Variants in DLGAP1 observed in about 807,000 individuals in gnomAD.
DLGAP1 encodes disks large-associated protein 1.
Under a neutral mutation model 90.8 loss-of-function variants are expected in DLGAP1, and 11 were observed. That is an observed-to-expected ratio of 0.12 (90% CI 0.08 to 0.20). The LOEUF is 0.20. Ranked by LOEUF, DLGAP1 falls within the 10% of genes least tolerant of loss-of-function variation. The pLI is 1.00. For synonymous variants in DLGAP1, 558 were observed against 540.7 expected, an observed-to-expected ratio of 1.03 and a Z score of -0.44; for missense variants, 1,050 against 1,333.8, an observed-to-expected ratio of 0.79 and a Z score of 3.31.
intron 1 of DLGAP1, among the ~76,000 whole-genome samples, chr18:4,360,907 C>T (rs774597245): frequency 2.6e-5 from 4 of 152,066 alleles, no homozygotes; most frequent in South Asian, 2.1e-4. Context: ...TTGAACCCAA[C>T]AGGCAGCCAT....
chr18:3,705,303 C>CTT (rs34878394), intron 7 of DLGAP1, among the ~76,000 whole-genome samples: 99 of 142,132 alleles, frequency 7.0e-4, no homozygotes, highest in Middle Eastern at 3.6e-3. Context: ...TTTCAGGCTA[C>CTT]TTTTTTTTTT....
chr18:4,026,711 C>T (rs1280758207), intron 2 of DLGAP1, among the ~76,000 whole-genome samples: 2 of 152,180 alleles, frequency 1.3e-5, no homozygotes, highest in Non-Finnish European at 2.9e-5. Context: ...TCTTTGGACA[C>T]ACAGGGACTT....
At chr18:3,683,372 T>A (rs567870573) in intron 7 of DLGAP1, among the ~76,000 whole-genome samples, 1 of 152,174 alleles carries the variant, frequency 6.6e-6, no homozygotes, top group African/African-American at 2.4e-5. Flanking sequence ...CAACAATATA[T>A]AAGCAAGAAC....
intron 3 of DLGAP1, among the ~76,000 whole-genome samples, chr18:3,894,994 A>G (rs2071578755): frequency 6.6e-6 from 1 of 152,178 alleles, no homozygotes; most frequent in Non-Finnish European, 1.5e-5. Flanking sequence ...TATACTTGCT[A>G]TGGTTTTTAC....
intron 7 of DLGAP1, among the ~76,000 whole-genome samples, chr18:3,687,454 C>T (rs2060741034): frequency 6.6e-6 from 1 of 152,146 alleles, no homozygotes; most frequent in Non-Finnish European, 1.5e-5. Context: ...TGTTGACTTG[C>T]TTTGATATAG....
At chr18:4,043,638 G>A (rs1036801011) in intron 2 of DLGAP1, among the ~76,000 whole-genome samples, 3 of 152,096 alleles carry the variant, frequency 2.0e-5, no homozygotes. Context: ...AACATCCCCA[G>A]TTTGATTTAA....
At chr18:3,828,600 A>G (rs2148535557) in intron 4 of DLGAP1, among the ~76,000 whole-genome samples, 1 of 139,746 alleles carries the variant, frequency 7.2e-6, no homozygotes, top group East Asian at 2.2e-4. Context: ...TGATCAGGCC[A>G]CTGCACTCCA....
At chr18:3,718,642 A>G (rs1223252995) in intron 7 of DLGAP1, among the ~76,000 whole-genome samples, 1 of 151,848 alleles carries the variant, frequency 6.6e-6, no homozygotes, top group African/African-American at 2.4e-5. Context: ...ATGACTGAAA[A>G]TGGCCAGGCA....
intron 1 of DLGAP1, among the ~76,000 whole-genome samples, chr18:4,329,606 G>A (rs545067901): frequency 6.6e-6 from 1 of 151,878 alleles, no homozygotes; most frequent in African/African-American, 2.4e-5. Flanking sequence ...ATCTCAACAC[G>A]GTTGAGTCAT....
intron 7 of DLGAP1, among the ~76,000 whole-genome samples, chr18:3,689,781 T>A (rs540833940): frequency 2.8e-3 from 426 of 152,088 alleles, no homozygotes; most frequent in African/African-American, 9.9e-3. Flanking sequence ...AAAAAAAAAA[T>A]TTGTGGTTAA....
intron 1 of DLGAP1, among the ~76,000 whole-genome samples, chr18:4,195,570 A>T (rs2077482066): frequency 6.6e-6 from 1 of 151,012 alleles, no homozygotes; most frequent in Non-Finnish European, 1.5e-5. Flanking sequence ...TTTTTTTTTG[A>T]GATGGAGTTT....
intron 1 of DLGAP1, among the ~76,000 whole-genome samples, chr18:4,223,324 G>T (rs115231164): frequency 9.1e-4 from 139 of 152,248 alleles, no homozygotes; most frequent in African/African-American, 3.2e-3. Context: ...GACTGGCCTA[G>T]TTCACTGTTT....
At chr18:4,295,838 T>A (rs2079968026) in intron 1 of DLGAP1, among the ~76,000 whole-genome samples, 1 of 152,234 alleles carries the variant, frequency 6.6e-6, no homozygotes, top group Non-Finnish European at 1.5e-5. Flanking sequence ...ATTATCATCT[T>A]ATTGTTTCCT....
chr18:3,939,351 A>C (rs2072713989), intron 3 of DLGAP1, among the ~76,000 whole-genome samples: 1 of 136,852 alleles, frequency 7.3e-6, no homozygotes, highest in Non-Finnish European at 1.5e-5. Context: ...TGGAAGGTGG[A>C]GGTTGTAGTG....
At chr18:3,614,548 G>A (rs377302408) in intron 7 of DLGAP1, among the ~76,000 whole-genome samples, 5 of 152,020 alleles carry the variant, frequency 3.3e-5, no homozygotes, top group East Asian at 1.9e-4. Context: ...TCATTATAGC[G>A]TAGGGTGAAG....
At chr18:3,873,359 C>A (rs375479021) in intron 4 of DLGAP1, among the ~76,000 whole-genome samples, 1 of 152,044 alleles carries the variant, frequency 6.6e-6, no homozygotes, top group Non-Finnish European at 1.5e-5. Flanking sequence ...TTGTGCAAAC[C>A]CAATAGGAAA....
At chr18:3,882,464 T>C (rs1238960) in intron 3 of DLGAP1, among the ~76,000 whole-genome samples, 64,303 of 150,008 alleles carry the variant, frequency 0.43, 14,046 homozygotes, top group South Asian at 0.57. Context: ...GAGGTTGAGG[T>C]TGCAATGAGT....
chr18:3,654,254 AG>A (rs2059408869), intron 7 of DLGAP1, among the ~76,000 whole-genome samples: 1 of 152,186 alleles, frequency 6.6e-6, no homozygotes, highest in Non-Finnish European at 1.5e-5. Flanking sequence ...AGGTGGCCAG[AG>A]GCTGCCGGAC....
At chr18:4,249,447 C>CAAAA (rs11301773) in intron 1 of DLGAP1, among the ~76,000 whole-genome samples, 1 of 101,624 alleles carries the variant, frequency 9.8e-6, no homozygotes, top group African/African-American at 3.6e-5. Flanking sequence ...AATGTTCTGG[C>CAAAA]AAAAAAAAAA....
Sources: gnomAD v4.1 joint callset for allele counts (sites outside exome capture counted in the v4.1 genomes callset) on GRCh38, gnomAD v4.1.1 for gene constraint, MANE v1.5 for transcripts, NCBI Gene and HGNC (gene_info 2026-07-23, HGNC 2026-07-21) for gene names.